Variants in PRMT3 observed in about 807,000 individuals in gnomAD.
PRMT3 encodes the protein protein arginine N-methyltransferase 3.
A neutral mutation model predicts 71.9 loss-of-function variants in PRMT3; 62 were observed. The ratio of observed to expected loss-of-function variants is 0.86; its 90% confidence interval spans 0.70 to 1.07. PRMT3 has a LOEUF of 1.07. Among genes scored for constraint, PRMT3 ranks in the 50% least tolerant of loss-of-function variants. PRMT3 has a pLI of 0.00. For synonymous variants in PRMT3, 213 were observed against 220.4 expected, an observed-to-expected ratio of 0.97 and a Z score of 0.30; for missense variants, 663 against 643.0, an observed-to-expected ratio of 1.03 and a Z score of -0.34.
intron 8 of PRMT3, among the ~76,000 whole-genome samples, chr11:20,404,211 G>GTTTTTTTTTGTTTTGTTTTGTTTT (rs1849013967): frequency 2.9e-5 from 1 of 34,338 alleles, no homozygotes; most frequent in African/African-American, 1.3e-4. Context: ...ACTTTTCATA[G>GTTTTTTTTTGTTTTGTTTTGTTTT]TTTTTTTTTT....
intron 12 of PRMT3, 32 bp from the exon 13 acceptor site, chr11:20,464,428 A>G (rs767167449): frequency 1.3e-6 from 2 of 1,509,760 alleles, no homozygotes; most frequent in South Asian, 2.7e-5. Context: ...TATTTTTACT[A>G]AGCTCTTTCT....
At chr11:20,440,369 G>C (rs1013916467) in intron 10 of PRMT3, among the ~76,000 whole-genome samples, 1 of 151,990 alleles carries the variant, frequency 6.6e-6, no homozygotes, top group Non-Finnish European at 1.5e-5. Flanking sequence ...AAAGAGGCCG[G>C]GTGTGGTGGC....
intron 13 of PRMT3, among the ~76,000 whole-genome samples, chr11:20,473,302 G>A (rs36072860): frequency 0.019 from 2,943 of 151,984 alleles, 93 homozygotes; most frequent in African/African-American, 0.065. Flanking sequence ...TGGTTCTCTA[G>A]TGCTTTTAGT....
At chr11:20,442,623 A>T (rs1849934393) in intron 10 of PRMT3, among the ~76,000 whole-genome samples, 1 of 152,116 alleles carries the variant, frequency 6.6e-6, no homozygotes, top group South Asian at 2.1e-4. Flanking sequence ...GATATTTCTC[A>T]TTCCTTTTTA....
chr11:20,402,435 AT>A (rs542449722), intron 7 of PRMT3, among the ~76,000 whole-genome samples: 1 of 149,186 alleles, frequency 6.7e-6, no homozygotes. Context: ...TTTTATTTCT[AT>A]TTTTTTTTGG....
At chr11:20,443,742 C>T (rs530581466) in intron 10 of PRMT3, among the ~76,000 whole-genome samples, 8 of 152,142 alleles carry the variant, frequency 5.3e-5, no homozygotes, top group Non-Finnish European at 8.8e-5. Flanking sequence ...GCTTATTGGG[C>T]GGTTTTCTGC....
At chr11:20,478,364 G>T (rs1850847357) in intron 13 of PRMT3, among the ~76,000 whole-genome samples, 1 of 152,060 alleles carries the variant, frequency 6.6e-6, no homozygotes, top group African/African-American at 2.4e-5. Flanking sequence ...AGTTAGGAAA[G>T]GTAAATGAAA....
At chr11:20,425,353 A>G (rs1279223757) in intron 9 of PRMT3, among the ~76,000 whole-genome samples, 1 of 152,218 alleles carries the variant, frequency 6.6e-6, no homozygotes, top group African/African-American at 2.4e-5. Context: ...GAAATGTCAA[A>G]TTGTTTATAT....
chr11:20,424,179 A>G (rs1029471067), intron 9 of PRMT3, among the ~76,000 whole-genome samples: 2 of 59,406 alleles, frequency 3.4e-5, no homozygotes, highest in Non-Finnish European at 4.2e-5. Flanking sequence ...GCAAGACGCC[A>G]TCTCAAAAAA....
Position 20,508,334 on chromosome 11 carries a change from A to G in PRMT3, c.1517A>G (p.His506Arg). Residue 506 changes from histidine to arginine, a missense_variant, in exon 16 of 16, where the codon CAC becomes CGC. Coordinates refer to ENST00000331079, the MANE Select transcript of PRMT3 (RefSeq NM_005788.4). ...GEALKGKVTV[H>R]KNKKDPRSLT... ...GCCTTGAAAGGAAAGGTCACAGTTC[A>G]CAAGAATAAGAAAGATCCACGTTCT... 6.2e-7 allele frequency: 1 copy of G among 1,611,122 alleles called. No individual in the cohort carries two copies. The highest frequency in any genetic ancestry group is 8.5e-7 in the Non-Finnish European group (1 of 1,177,368).
chr11:20,472,519 A>G (rs890962028), intron 13 of PRMT3, among the ~76,000 whole-genome samples: 2 of 152,132 alleles, frequency 1.3e-5, no homozygotes, highest in Admixed American at 6.6e-5. Flanking sequence ...CATATGTTCA[A>G]CCAATTTTGC....
At chr11:20,507,039 A>G (rs1337348795) in intron 15 of PRMT3, among the ~76,000 whole-genome samples, 1 of 152,184 alleles carries the variant, frequency 6.6e-6, no homozygotes, top group Non-Finnish European at 1.5e-5. Flanking sequence ...ATGTGCCTCT[A>G]CATTTTCCCA....
chr11:20,431,822 A>G (rs1441694229), intron 10 of PRMT3, among the ~76,000 whole-genome samples: 2 of 152,126 alleles, frequency 1.3e-5, no homozygotes, highest in Non-Finnish European at 2.9e-5. Context: ...GCTGCCTTGG[A>G]AACAATTTTT....
intron 3 of PRMT3, among the ~76,000 whole-genome samples, 176 bp downstream of exon 3, chr11:20,390,002 T>G (rs1185876244): frequency 6.6e-6 from 1 of 152,052 alleles, no homozygotes; most frequent in South Asian, 2.1e-4. Flanking sequence ...AATACAAAAG[T>G]TATCTGGGTG....
intron 2 of PRMT3, among the ~76,000 whole-genome samples, chr11:20,388,386 A>C (rs1190796543): frequency 6.6e-6 from 1 of 152,228 alleles, no homozygotes; most frequent in Non-Finnish European, 1.5e-5. Flanking sequence ...TAGTGCATTG[A>C]ATCTGTGGTT....
At chr11:20,405,964 A>G (rs531008733) in intron 8 of PRMT3, 1 of 152,212 alleles carries the variant, frequency 6.6e-6, no homozygotes, top group East Asian at 1.9e-4. Flanking sequence ...GTAATTCCCC[A>G]TTCTCCCTTC....
intron 3 of PRMT3, among the ~76,000 whole-genome samples, chr11:20,391,925 C>T (rs940122841): frequency 6.6e-6 from 1 of 152,044 alleles, no homozygotes; most frequent in Non-Finnish European, 1.5e-5. Context: ...CTTAATTTTC[C>T]AGATTTGTAT....
chr11:20,415,684 GT>G (rs11310401), intron 9 of PRMT3, among the ~76,000 whole-genome samples: 130,518 of 152,066 alleles, frequency 0.86, 57,052 homozygotes, highest in Non-Finnish European at 0.95. Flanking sequence ...TTTCCACCAT[GT>G]TGACCAGCCA....
intron 11 of PRMT3, among the ~76,000 whole-genome samples, chr11:20,453,090 G>T (rs1037110265): frequency 2.0e-5 from 3 of 152,012 alleles, no homozygotes; most frequent in Non-Finnish European, 2.9e-5. Flanking sequence ...CATGAAAGGG[G>T]CAGGCATTTC....
Sources: gnomAD v4.1 joint callset for allele counts (sites outside exome capture counted in the v4.1 genomes callset) on GRCh38, gnomAD v4.1.1 for gene constraint, MANE v1.5 for transcripts, NCBI Gene and HGNC (gene_info 2026-07-23, HGNC 2026-07-21) for gene names.